The following RIMBP2 variants were observed in gnomAD, a reference collection of about 807,000 sequenced individuals.
RIMBP2 encodes RIMS binding protein 2.
A neutral mutation model predicts 118.6 loss-of-function variants in RIMBP2; 48 were observed. The observed-to-expected ratio is 0.40, with a 90% CI of 0.32 to 0.51. The LOEUF is 0.51. RIMBP2 is among the 20% of genes least tolerant of loss of function. The pLI is 0.41. For synonymous variants in RIMBP2, 762 were observed against 742.9 expected, an observed-to-expected ratio of 1.03 and a Z score of -0.42; for missense variants, 1,551 against 1,768.3, an observed-to-expected ratio of 0.88 and a Z score of 2.20.
chr12:130,606,772 T>TG (rs1265692150), intron 2 of RIMBP2, among the ~76,000 whole-genome samples: 1 of 152,102 alleles, frequency 6.6e-6, no homozygotes, highest in Non-Finnish European at 1.5e-5. Flanking sequence ...GGCTTTTGCT[T>TG]GAAGTCAAAA....
At chr12:130,686,627 T>C (rs2065057920) in intron 1 of RIMBP2, among the ~76,000 whole-genome samples, 1 of 152,246 alleles carries the variant, frequency 6.6e-6, no homozygotes, top group South Asian at 2.1e-4. Flanking sequence ...AAGCAAACGC[T>C]GGCACAGCCG....
chr12:130,415,790 TA>T (rs1432259874), intron 17 of RIMBP2, among the ~76,000 whole-genome samples: 1 of 151,772 alleles, frequency 6.6e-6, no homozygotes, highest in Admixed American at 6.6e-5. Flanking sequence ...GATATGATTC[TA>T]AACCTAGAAA....
intron 2 of RIMBP2, among the ~76,000 whole-genome samples, chr12:130,571,389 G>T (rs1429131044): frequency 6.6e-6 from 1 of 150,766 alleles, no homozygotes; most frequent in Non-Finnish European, 1.5e-5. Flanking sequence ...CTCAGCTGCC[G>T]TGTGTGCTAC....
rs746811794 is a variant in RIMBP2, at chr12:130,534,385, G to A, written c.-216-16468C>T. On this transcript the variant is annotated intron_variant, in intron 2 of 22. Transcript: ENST00000690449. ...TCCCAGCACTTTGGGAGGCCGAGGT[G>A]GGAGGACCACGAGGTCAGGAGATCC... Among the ~76,000 whole-genome samples, 59 of 152,012 alleles carry A rather than the reference G, an allele frequency of 3.9e-4. 1 individual carries two copies. Among genetic ancestry groups the A allele is most frequent in the Non-Finnish European group, 7.6e-4 (52 of 67,978 alleles).
intron 2 of RIMBP2, among the ~76,000 whole-genome samples, chr12:130,565,202 C>T (rs2057125004): frequency 6.6e-6 from 1 of 152,002 alleles, no homozygotes; most frequent in Admixed American, 6.6e-5. Context: ...GCAGCCTTGA[C>T]CTCCCAAGTT....
intron 1 of RIMBP2, among the ~76,000 whole-genome samples, chr12:130,713,618 C>T (rs1299494145): frequency 6.6e-6 from 1 of 152,190 alleles, no homozygotes; most frequent in Non-Finnish European, 1.5e-5. Flanking sequence ...ATCCGGTTCT[C>T]CCCCGGGTTC....
chr12:130,664,384 C>T (rs1345541580), intron 1 of RIMBP2, among the ~76,000 whole-genome samples: 21 of 109,348 alleles, frequency 1.9e-4, no homozygotes, highest in African/African-American at 3.9e-4. Context: ...TGCACGCACG[C>T]GCATGCACAC....
intron 2 of RIMBP2, among the ~76,000 whole-genome samples, chr12:130,605,986 T>G (rs2060160736): frequency 6.6e-6 from 1 of 151,980 alleles, no homozygotes; most frequent in African/African-American, 2.4e-5. Flanking sequence ...GAGAATTGCT[T>G]GAACCCAGGA....
chr12:130,661,615 T>C (rs10848175), intron 1 of RIMBP2, among the ~76,000 whole-genome samples: 82,611 of 152,018 alleles, frequency 0.54, 23,067 homozygotes, highest in Non-Finnish European at 0.62. Context: ...CGTTAGCATC[T>C]GATGTGGCAT....
At chr12:130,646,454 G>GCCACCTCCCTCACCACCTGCCTCT (rs2062976832) in intron 1 of RIMBP2, among the ~76,000 whole-genome samples, 2 of 73,654 alleles carry the variant, frequency 2.7e-5, no homozygotes, top group Admixed American at 1.6e-4. Flanking sequence ...CACCTCCCTC[G>GCCACCTCCCTCACCACCTGCCTCT]CCACCTCCCT....
At chr12:130,666,092 T>C (rs974411111) in intron 1 of RIMBP2, among the ~76,000 whole-genome samples, 2 of 152,178 alleles carry the variant, frequency 1.3e-5, no homozygotes, top group Non-Finnish European at 2.9e-5. Context: ...ATGGGTTCTA[T>C]CTCTGCACAT....
chr12:130,414,068 A>G, intron 18 of RIMBP2, 57 bp downstream of exon 18: 1 of 1,569,664 alleles, frequency 6.4e-7, no homozygotes, highest in Non-Finnish European at 8.8e-7. Flanking sequence ...CTCTGCCCCC[A>G]TGACCCAGAC....
chr12:130,584,842 T>C (rs1249726038), intron 2 of RIMBP2, among the ~76,000 whole-genome samples: 2 of 152,120 alleles, frequency 1.3e-5, no homozygotes, highest in Non-Finnish European at 2.9e-5. Flanking sequence ...TTTTATTTTG[T>C]ATTAAAATTT....
chr12:130,610,688 G>A (rs1479392738), intron 2 of RIMBP2, among the ~76,000 whole-genome samples: 1 of 148,252 alleles, frequency 6.7e-6, no homozygotes, highest in Non-Finnish European at 1.5e-5. Flanking sequence ...AGCCTCCCAA[G>A]TAGCTGGGAC....
Position 130,441,952 on chromosome 12 carries a change from T to C in RIMBP2, c.1400A>G (p.Tyr467Cys). The change falls in exon 11 of 23, where the codon TAT becomes TGT. Residue 467 changes from tyrosine to cysteine, a missense_variant. Physicochemically the swap from Tyr to Cys is radical, Grantham distance 194. Coordinates refer to ENST00000690449, the MANE Select transcript of RIMBP2 (RefSeq NM_001393629.1). ...QFFNLRPNMA[Y>C]KVKVLAKPHQ... The stretch of plus-strand genomic sequence containing the variant: ...GGGTTTGGCCAGAACCTTCACCTTA[T>C]AGGCCATGTTGGGCCTGAGATTGAA... 1 of 1,614,122 alleles carries C rather than the reference T, an allele frequency of 6.2e-7. No individual in the cohort carries two copies. The highest frequency in any genetic ancestry group is 8.5e-7 in the Non-Finnish European group (1 of 1,180,036).
intron 19 of RIMBP2, among the ~76,000 whole-genome samples, chr12:130,411,041 G>A (rs994606823): frequency 2.6e-4 from 40 of 152,002 alleles, no homozygotes; most frequent in African/African-American, 9.2e-4. Flanking sequence ...TCTGATTTTC[G>A]GCATACAAAT....
Position 130,623,552 on chromosome 12 carries a change from G to A in RIMBP2, c.-217+4770C>T, listed in dbSNP as rs867048033. Among the ~76,000 whole-genome samples the A allele has an allele frequency of 6.9e-4, 105 of 152,254 alleles. 2 individuals carry two copies. Among genetic ancestry groups the A allele is most frequent in the African/African-American group, 2.4e-3 (99 of 41,524 alleles). On this transcript the variant is annotated intron_variant, in intron 2 of 22. Coordinates refer to ENST00000690449, the MANE Select transcript of RIMBP2 (RefSeq NM_001393629.1). The surrounding 1 kb of genome is among the most constrained non-coding windows in gnomAD (Gnocchi z 4.1). ...GACAGTTAGTTAACTGTTGTCATCT[G>A]TGTGTGCATCTACATATAGCACAAT... is the stretch of plus-strand genomic sequence containing the variant.
intron 1 of RIMBP2, among the ~76,000 whole-genome samples, chr12:130,709,197 G>A (rs1593052191): frequency 6.6e-6 from 1 of 152,226 alleles, no homozygotes; most frequent in South Asian, 2.1e-4. Context: ...CAGGGCTGGT[G>A]GGCTTGGGGA....
chr12:130,507,264 A>G (rs963555444), intron 3 of RIMBP2, among the ~76,000 whole-genome samples: 3 of 152,208 alleles, frequency 2.0e-5, no homozygotes, highest in Non-Finnish European at 2.9e-5. Context: ...CAATGAGATA[A>G]ACACAGAGAG....
Sources: gnomAD v4.1 joint callset for allele counts (sites outside exome capture counted in the v4.1 genomes callset) on GRCh38, gnomAD v4.1.1 for gene constraint, Gnocchi (gnomAD v3.1) non-coding constraint, MANE v1.5 for transcripts, NCBI Gene and HGNC (gene_info 2026-07-23, HGNC 2026-07-21) for gene names.